GRIA1: variants seen among roughly 807,000 people sequenced by gnomAD.
The protein encoded by GRIA1 is glutamate ionotropic receptor AMPA type subunit 1.
In GRIA1, 31 loss-of-function variants were observed where a neutral mutation model predicts 99.2. The observed-to-expected ratio is 0.31, with a 90% confidence interval of 0.23 to 0.42. The LOEUF is 0.42. GRIA1 is among the 10% of genes least tolerant of loss of function. The probability of loss-of-function intolerance (pLI) is 1.00; values close to 1 mark genes in which losing one functional copy is unlikely to be tolerated. For synonymous variants in GRIA1, 438 were observed against 432.4 expected, an observed-to-expected ratio of 1.01 and a Z score of -0.16; for missense variants, 782 against 1,157.5, an observed-to-expected ratio of 0.68 and a Z score of 4.71.
At chr5:153,676,768 G>C (rs111486341) in intron 6 of GRIA1, among the ~76,000 whole-genome samples, 16 of 152,258 alleles carry the variant, frequency 1.1e-4, no homozygotes, top group African/African-American at 3.9e-4. Flanking sequence ...GTTCAAGGAG[G>C]TCAGCATTGA....
intron 4 of GRIA1, among the ~76,000 whole-genome samples, chr5:153,650,977 A>G (rs1754532373): frequency 6.6e-6 from 1 of 150,850 alleles, no homozygotes; most frequent in African/African-American, 2.4e-5. Flanking sequence ...AGGGTGAGAC[A>G]GTGAGGCAGG....
chr5:153,612,765 T>C (rs1342375961), intron 2 of GRIA1, among the ~76,000 whole-genome samples: 1 of 152,182 alleles, frequency 6.6e-6, no homozygotes, highest in Non-Finnish European at 1.5e-5. Flanking sequence ...TACCCAGCAT[T>C]TGCTGCAAGC....
chr5:153,540,765 G>A (rs1204249067), intron 2 of GRIA1, among the ~76,000 whole-genome samples: 1 of 152,104 alleles, frequency 6.6e-6, no homozygotes, highest in African/African-American at 2.4e-5. Flanking sequence ...GCAAAGGGGA[G>A]GCCTGTCAAA....
At chr5:153,665,751 T>C (rs1018405167) in intron 5 of GRIA1, among the ~76,000 whole-genome samples, 3 of 152,150 alleles carry the variant, frequency 2.0e-5, no homozygotes, top group African/African-American at 7.2e-5. Flanking sequence ...TATTTTCAAA[T>C]GGAATCTTGG....
intron 15 of GRIA1, among the ~76,000 whole-genome samples, chr5:153,808,157 A>T (rs1766565791): frequency 6.6e-6 from 1 of 152,188 alleles, no homozygotes; most frequent in East Asian, 1.9e-4. Flanking sequence ...AGAAGTTAGG[A>T]TGCAATCACT....
chr5:153,735,416 G>A (rs1477057897), intron 11 of GRIA1, among the ~76,000 whole-genome samples: 1 of 152,150 alleles, frequency 6.6e-6, no homozygotes, highest in African/African-American at 2.4e-5. Context: ...TACCTGACTG[G>A]GGGTCGCATA....
intron 2 of GRIA1, among the ~76,000 whole-genome samples, chr5:153,553,333 G>A (rs986836069): frequency 3.9e-5 from 6 of 152,196 alleles, no homozygotes; most frequent in Non-Finnish European, 7.3e-5. Context: ...CGAATGAGAG[G>A]CATAAGACAG....
chr5:153,695,032 T>A (rs1391342858), intron 8 of GRIA1, among the ~76,000 whole-genome samples: 1 of 152,116 alleles, frequency 6.6e-6, no homozygotes, highest in Non-Finnish European at 1.5e-5. Flanking sequence ...ATAAATCATA[T>A]TTGACAGATA....
chr5:153,578,536 G>T (rs1006151927), intron 2 of GRIA1, among the ~76,000 whole-genome samples: 23 of 151,756 alleles, frequency 1.5e-4, no homozygotes, highest in Admixed American at 9.9e-4. Flanking sequence ...GAAAAGAAGA[G>T]TGACTTTTAT....
chr5:153,554,404 C>G (rs1760430453), intron 2 of GRIA1, among the ~76,000 whole-genome samples: 1 of 152,172 alleles, frequency 6.6e-6, no homozygotes, highest in South Asian at 2.1e-4. Flanking sequence ...CCTTGAGACT[C>G]TAGTTAATGA....
intron 12 of GRIA1, among the ~76,000 whole-genome samples, chr5:153,768,718 A>C (rs1020510807): frequency 6.6e-6 from 1 of 152,204 alleles, no homozygotes; most frequent in African/African-American, 2.4e-5. Flanking sequence ...ATACAGAAAA[A>C]AGTGATATGC....
rs201531108 is a variant in GRIA1 at position 153,788,445 on chromosome 5, C to T, written c.2271-6176C>T. ...AGGGTCTGTCATTCCCTGGCTAAGA[C>T]CCTCCAATCTCAGAATAAAATGCTC... On this transcript the variant is annotated intron_variant, in intron 13 of 15. Coordinates refer to ENST00000285900, the MANE Select transcript of GRIA1 (RefSeq NM_000827.4). Among the ~76,000 whole-genome samples, 363 of 152,256 alleles carry T rather than the reference C, an allele frequency of 2.4e-3. 3 individuals are homozygous for T. Among genetic ancestry groups the T allele is most frequent in the Non-Finnish European group, 4.2e-3 (287 of 68,020 alleles).
At chr5:153,600,531 A>T (rs1027201608) in intron 2 of GRIA1, among the ~76,000 whole-genome samples, 2 of 152,108 alleles carry the variant, frequency 1.3e-5, no homozygotes, top group African/African-American at 4.8e-5. Flanking sequence ...GACTGTGGAA[A>T]GTCAAAGGAG....
At chr5:153,672,124 A>G (rs1367693154) in intron 5 of GRIA1, among the ~76,000 whole-genome samples, 1 of 152,206 alleles carries the variant, frequency 6.6e-6, no homozygotes, top group Non-Finnish European at 1.5e-5. Flanking sequence ...ACTGCAGGCT[A>G]CTGAAGGAGA....
At chr5:153,607,866 C>T (rs901082433) in intron 2 of GRIA1, among the ~76,000 whole-genome samples, 4 of 151,782 alleles carry the variant, frequency 2.6e-5, no homozygotes, top group Admixed American at 6.6e-5. Flanking sequence ...TTTTTATTAC[C>T]TTTTATTCTA....
intron 2 of GRIA1, among the ~76,000 whole-genome samples, chr5:153,546,317 C>G (rs1690520572): frequency 6.6e-6 from 1 of 152,138 alleles, no homozygotes; most frequent in Admixed American, 6.5e-5. Context: ...TCACAGGGAG[C>G]TCTGTTATGG....
At chr5:153,624,384 C>T (rs1176132497) in intron 2 of GRIA1, among the ~76,000 whole-genome samples, 1 of 152,178 alleles carries the variant, frequency 6.6e-6, no homozygotes, top group East Asian at 1.9e-4. Flanking sequence ...TCAGCAGTCA[C>T]CGCCCAAGGG....
At chr5:153,712,046 T>G (rs906796010) in intron 11 of GRIA1, among the ~76,000 whole-genome samples, 2 of 151,896 alleles carry the variant, frequency 1.3e-5, no homozygotes, top group African/African-American at 4.8e-5. Flanking sequence ...CTCCACTAAT[T>G]TATTTATTTA....
chr5:153,578,148 C>CAAAAAAAAAAAAAAAAAAAAAAA (rs60901793), intron 2 of GRIA1, among the ~76,000 whole-genome samples: 5 of 69,310 alleles, frequency 7.2e-5, no homozygotes, highest in Non-Finnish European at 1.2e-4. Context: ...GAGACTCTGT[C>CAAAAAAAAAAAAAAAAAAAAAAA]AAAAAAAAAA....
Sources: gnomAD v4.1 joint callset for allele counts (sites outside exome capture counted in the v4.1 genomes callset) on GRCh38, gnomAD v4.1.1 for gene constraint, MANE v1.5 for transcripts, NCBI Gene and HGNC (gene_info 2026-07-23, HGNC 2026-07-21) for gene names.